RANBP2: variants seen among roughly 807,000 people sequenced by gnomAD.
The protein encoded by RANBP2 is RAN binding protein 2.
RANBP2 carries 57 observed loss-of-function variants against 303.6 expected under a neutral mutation model. That is an observed-to-expected ratio of 0.19 (90% confidence interval 0.15 to 0.23). The LOEUF (loss-of-function observed/expected upper bound fraction) is 0.23. Ranked by LOEUF, RANBP2 falls within the 10% of genes least tolerant of loss-of-function variation. RANBP2 has a pLI of 1.00. For missense variants in RANBP2, 3,138 were observed against 3,780.8 expected, an observed-to-expected ratio of 0.83 and a Z score of 4.46; for synonymous variants, 1,167 against 1,301.5, an observed-to-expected ratio of 0.90 and a Z score of 2.23.
chr2:109,120,837 G>A, the RANBP2 span, among the ~76,000 whole-genome samples: 1 of 152,054 alleles, frequency 6.6e-6, no homozygotes. Context: ...CAAAGCCAAG[G>A]GAAACACTCA....
chr2:108,829,979 T>A, the RANBP2 span, among the ~76,000 whole-genome samples: 1 of 150,820 alleles, frequency 6.6e-6, no homozygotes, highest in African/African-American at 2.5e-5. Flanking sequence ...ACCAAGTTTA[T>A]AGCAAGATTA....
chr2:109,602,776 T>C, the RANBP2 span, among the ~76,000 whole-genome samples: 8 of 151,000 alleles, frequency 5.3e-5, no homozygotes, highest in Non-Finnish European at 5.9e-5. Flanking sequence ...CCAATGAAAT[T>C]TGAGAAGTCA....
chr2:109,161,921 G>T, the RANBP2 span, among the ~76,000 whole-genome samples: 1 of 152,046 alleles, frequency 6.6e-6, no homozygotes, highest in African/African-American at 2.4e-5. Flanking sequence ...CTATCACTCA[G>T]TGGTGCCTCC....
the RANBP2 span, among the ~76,000 whole-genome samples, chr2:108,796,339 C>T: frequency 2.0e-5 from 3 of 152,162 alleles, no homozygotes; most frequent in African/African-American, 7.2e-5. Flanking sequence ...CAGGCGTGAG[C>T]CACCGCGCCT....
chr2:109,367,081 C>T, the RANBP2 span, among the ~76,000 whole-genome samples: 2 of 149,856 alleles, frequency 1.3e-5, no homozygotes, highest in African/African-American at 4.9e-5. Context: ...CCCTCCAGAG[C>T]AGCTAGGATT....
chr2:109,001,922 G>T, the RANBP2 span, among the ~76,000 whole-genome samples: 1 of 151,980 alleles, frequency 6.6e-6, no homozygotes, highest in South Asian at 2.1e-4. Context: ...AGTAGAGACA[G>T]GGTTTCACTG....
chr2:108,774,384 C>T (rs1677725313), intron 23 of RANBP2, among the ~76,000 whole-genome samples: 1 of 152,080 alleles, frequency 6.6e-6, no homozygotes. Context: ...GCTCGGGAGT[C>T]CAGGAGTTCC....
chr2:109,129,924 C>T, the RANBP2 span: 2 of 1,493,476 alleles, frequency 1.3e-6, no homozygotes, highest in Non-Finnish European at 8.9e-7. Flanking sequence ...CCCGCGCGGG[C>T]ACCAGCCCCG....
chr2:109,478,820 A>G, the RANBP2 span, among the ~76,000 whole-genome samples: 3 of 152,300 alleles, frequency 2.0e-5, no homozygotes, highest in African/African-American at 4.8e-5. Flanking sequence ...AACCCGCTCC[A>G]GTTACTTTTG....
chr2:109,601,765 T>C, the RANBP2 span, among the ~76,000 whole-genome samples: 1 of 143,786 alleles, frequency 7.0e-6, no homozygotes, highest in Non-Finnish European at 1.5e-5. Context: ...ACCCTGAAGT[T>C]AAAAAAAAAA....
the RANBP2 span, among the ~76,000 whole-genome samples, chr2:109,413,934 C>T: frequency 3.3e-5 from 5 of 152,238 alleles, no homozygotes; most frequent in Non-Finnish European, 7.3e-5. Context: ...AGTCACCTGC[C>T]CCAGGAAGCG....
At chr2:109,199,607 T>TCAACC in the RANBP2 span, among the ~76,000 whole-genome samples, 16 of 266 alleles carry the variant, frequency 0.06, no homozygotes, top group Non-Finnish European at 0.072. Flanking sequence ...TGGAATGGAA[T>TCAACC]GGAATGGAAT....
the RANBP2 span, among the ~76,000 whole-genome samples, chr2:109,167,760 G>A: frequency 6.6e-6 from 1 of 151,976 alleles, no homozygotes; most frequent in African/African-American, 2.4e-5. Context: ...TTTAGTAGAG[G>A]TGGGATTGCG....
the RANBP2 span, among the ~76,000 whole-genome samples, chr2:109,178,308 T>G: frequency 4.6e-5 from 7 of 152,222 alleles, no homozygotes; most frequent in Non-Finnish European, 8.8e-5. Flanking sequence ...CTTTTATGAA[T>G]GTTCTCTATT....
chr2:108,824,682 T>C, the RANBP2 span, among the ~76,000 whole-genome samples: 1 of 152,174 alleles, frequency 6.6e-6, no homozygotes, highest in Non-Finnish European at 1.5e-5. Flanking sequence ...AGTAACATAG[T>C]CATTTATTAT....
Position 108,755,045 on chromosome 2 carries a change from T to C in RANBP2, c.2343T>C (p.Ser781=), listed in dbSNP as rs777882945. 3.3e-5 allele frequency: 53 copies of C among 1,611,912 alleles called. No homozygotes were observed. Among genetic ancestry groups the C allele is most frequent in the Non-Finnish European group, 4.4e-5 (52 of 1,179,826 alleles). Residue 781 remains serine, a synonymous_variant, in exon 16 of 29, where the codon TCT becomes TCC. Transcript: ENST00000283195. ...ADSEIKHSTP[S]PTRYSLSPSK... Reference sequence around the variant, plus strand: ...CAGAAATAAAACATTCTACACCGTCTCCTACCAGATATTCACTATCACCAA... The same window carrying C: ...CAGAAATAAAACATTCTACACCGTCCCCTACCAGATATTCACTATCACCAA...
chr2:109,544,153 A>T, the RANBP2 span: 3 of 1,554,542 alleles, frequency 1.9e-6, no homozygotes, highest in Non-Finnish European at 2.6e-6. Flanking sequence ...TTGACCTTGT[A>T]CTTGAAAGTA....
chr2:109,095,852 C>T, the RANBP2 span, among the ~76,000 whole-genome samples: 2 of 152,114 alleles, frequency 1.3e-5, no homozygotes, highest in African/African-American at 2.4e-5. Flanking sequence ...ATTTGGTTTT[C>T]TCTTTTGAAA....
Position 108,741,336 on chromosome 2 carries a change from A to T in RANBP2, c.975+655A>T, listed in dbSNP as rs186657799. On this transcript the variant is annotated intron_variant, in intron 7 of 28. Coordinates refer to ENST00000283195, the MANE Select transcript of RANBP2 (RefSeq NM_006267.5). The stretch of plus-strand genomic sequence containing the variant: ...CTCAGTCTCCCGAGTAGCTGGGACT[A>T]CAGGCCCGTGCTACCACACCCAGCT... 8.8e-3 allele frequency among the ~76,000 whole-genome samples: 1,327 copies of T among 151,386 alleles called. 11 individuals are homozygous for T. The highest frequency in any genetic ancestry group is 0.012 in the Non-Finnish European group (834 of 67,928).
Sources: gnomAD v4.1 joint callset for allele counts (sites outside exome capture counted in the v4.1 genomes callset) on GRCh38, gnomAD v4.1.1 for gene constraint, MANE v1.5 for transcripts, NCBI Gene and HGNC (gene_info 2026-07-23, HGNC 2026-07-21) for gene names.